Variants in MBD5 observed in about 807,000 individuals in gnomAD.
The protein encoded by MBD5 is methyl-CpG-binding domain protein 5.
A neutral mutation model predicts 117.3 loss-of-function variants in MBD5; 13 were observed. The ratio of observed to expected loss-of-function variants is 0.11; its 90% CI spans 0.07 to 0.18. MBD5 has a LOEUF of 0.18. MBD5 is among the 10% of genes least tolerant of loss of function. MBD5 has a pLI of 1.00. For missense variants in MBD5, 1,879 were observed against 2,093.8 expected, an observed-to-expected ratio of 0.90 and a Z score of 2.00; for synonymous variants, 727 against 766.4, an observed-to-expected ratio of 0.95 and a Z score of 0.85.
intron 1 of MBD5, among the ~76,000 whole-genome samples, chr2:148,086,998 T>C (rs1163234526): frequency 6.6e-6 from 1 of 151,992 alleles, no homozygotes. Context: ...GTGATTGCAG[T>C]TATTAAAAAA....
At chr2:148,431,952 A>G (rs1455486114) in intron 4 of MBD5, among the ~76,000 whole-genome samples, 1 of 152,180 alleles carries the variant, frequency 6.6e-6, no homozygotes, top group Non-Finnish European at 1.5e-5. Context: ...TCTTTGAGAA[A>G]TCACCAAACT....
intron 1 of MBD5, among the ~76,000 whole-genome samples, chr2:148,171,657 T>G (rs185229601): frequency 6.6e-6 from 1 of 152,072 alleles, no homozygotes; most frequent in Non-Finnish European, 1.5e-5. Context: ...AGCATCCAGA[T>G]AGGAAAAGAA....
In MBD5 at chr2:148,021,478, C is replaced by CTCT. The variant is rs1418536412; in HGVS notation, c.-1130_-1129insCTT. 23 of 576,732 alleles carry CTCT rather than the reference C, an allele frequency of 4.0e-5. No homozygotes were observed. The highest frequency in any genetic ancestry group is 3.4e-4 in the African/African-American group (18 of 52,792). 35.7% of individuals were successfully genotyped at this position (576,732 alleles called of 1,614,324 possible). A position where few individuals can be genotyped will look rare whatever the true frequency, so the allele number is the denominator to read the frequency against. On this transcript the variant is annotated 5_prime_UTR_variant, in exon 1 of 14. Transcript: ENST00000642680. Reference sequence around the variant, plus strand: ...GCTGCTGCTGTTGCTGCTGCTGCTGCTGTTGCTGCTGCTGCTGCTACTGCT... The same window carrying CTCT: ...GCTGCTGCTGTTGCTGCTGCTGCTGCTCTTGTTGCTGCTGCTGCTGCTACTGCT...
At chr2:148,049,256 G>A (rs886065148) in intron 1 of MBD5, among the ~76,000 whole-genome samples, 4 of 152,092 alleles carry the variant, frequency 2.6e-5, no homozygotes, top group African/African-American at 4.8e-5. Context: ...GAAATCTTGT[G>A]GCAAGTGGAT....
intron 2 of MBD5, among the ~76,000 whole-genome samples, chr2:148,195,037 C>G (rs1379130869): frequency 6.6e-6 from 1 of 152,148 alleles, no homozygotes; most frequent in African/African-American, 2.4e-5. Context: ...ACTCAACTCT[C>G]TTATCAGAGA....
At chr2:148,477,177 G>T (rs1680994737) in intron 8 of MBD5, among the ~76,000 whole-genome samples, 1 of 152,026 alleles carries the variant, frequency 6.6e-6, no homozygotes, top group African/African-American at 2.4e-5. Flanking sequence ...CCACGAGACT[G>T]AAAAGACTGA....
intron 2 of MBD5, among the ~76,000 whole-genome samples, chr2:148,227,057 G>A (rs928904199): frequency 1.6e-4 from 24 of 152,168 alleles, no homozygotes; most frequent in Non-Finnish European, 2.8e-4. Flanking sequence ...CTCCCATTCT[G>A]TAGGTTGCCT....
intron 1 of MBD5, among the ~76,000 whole-genome samples, chr2:148,099,214 T>A (rs1452934517): frequency 1.3e-5 from 2 of 152,170 alleles, no homozygotes; most frequent in African/African-American, 4.8e-5. Context: ...GTAATGAACT[T>A]ACTTATAATT....
Position 148,483,975 on chromosome 2 carries a change from A to G in MBD5, c.3384A>G (p.Ala1128=). 6.4e-7 allele frequency: 1 copy of G among 1,550,514 alleles called. No homozygotes were observed. Among genetic ancestry groups the G allele is most frequent in the Non-Finnish European group, 8.7e-7 (1 of 1,146,950 alleles). The change falls in exon 9 of 14, where the codon GCA becomes GCG. Residue 1128 remains alanine (A), a synonymous_variant. Transcript: ENST00000642680. ...CCACTACATCATCAGCAGTGGCAGC[A>G]CTGACTGTCTCAACACTTGGTGGGA... ...TTTTTSSAVA[A]LTVSTLGGTA...
chr2:148,399,613 A>G (rs546852192), intron 4 of MBD5, among the ~76,000 whole-genome samples: 2 of 152,260 alleles, frequency 1.3e-5, no homozygotes, highest in African/African-American at 4.8e-5. Flanking sequence ...GGACAATTTG[A>G]CTTCCTCTTT....
intron 4 of MBD5, among the ~76,000 whole-genome samples, chr2:148,439,945 G>A (rs1383226096): frequency 6.6e-6 from 1 of 151,974 alleles, no homozygotes; most frequent in Non-Finnish European, 1.5e-5. Flanking sequence ...CTGCTATGTT[G>A]CCAGGCTGGT....
intron 1 of MBD5, among the ~76,000 whole-genome samples, chr2:148,039,287 G>A (rs931937426): frequency 3.3e-5 from 5 of 151,946 alleles, no homozygotes; most frequent in Non-Finnish European, 5.9e-5. Flanking sequence ...TTTTTCTGGT[G>A]TATATTTGTT....
At chr2:148,076,179 TTTTG>T (rs1387771981) in intron 1 of MBD5, among the ~76,000 whole-genome samples, 1 of 98,060 alleles carries the variant, frequency 1.0e-5, no homozygotes, top group African/African-American at 4.4e-5. Flanking sequence ...AGTCGTCGTT[TTTTG>T]TTGTTGTTGT....
At position 148,308,064 on chromosome 2, in the gene MBD5, C is replaced by T. The variant is rs188939482; in HGVS notation, c.-679-34150C>T. 7.0e-4 allele frequency among the ~76,000 whole-genome samples: 107 copies of T among 152,186 alleles called. 1 individual carries two copies. Among genetic ancestry groups the T allele is most frequent in the African/African-American group, 2.4e-3 (99 of 41,506 alleles). ...CACTGATGGGCATTTGGGTTGGTTCCAAGTCTTTGCTATTGTGAACAGTGC... is the reference window on the plus strand; with the variant it reads ...CACTGATGGGCATTTGGGTTGGTTCTAAGTCTTTGCTATTGTGAACAGTGC... On this transcript the variant is annotated intron_variant, in intron 3 of 13. Transcript: ENST00000642680.
At chr2:148,061,834 G>A (rs1438000905) in intron 1 of MBD5, among the ~76,000 whole-genome samples, 8 of 151,594 alleles carry the variant, frequency 5.3e-5, no homozygotes, top group Non-Finnish European at 1.2e-4. Flanking sequence ...TATCTAGACT[G>A]TATCTTTAGA....
chr2:148,075,008 T>C (rs951753715), intron 1 of MBD5, among the ~76,000 whole-genome samples: 1 of 152,138 alleles, frequency 6.6e-6, no homozygotes, highest in African/African-American at 2.4e-5. Flanking sequence ...AAAGCATTTT[T>C]GAAGACATGA....
intron 3 of MBD5, among the ~76,000 whole-genome samples, chr2:148,258,560 C>G (rs923716187): frequency 6.6e-6 from 1 of 152,140 alleles, no homozygotes; most frequent in African/African-American, 2.4e-5. Flanking sequence ...CCTAATGAAA[C>G]AGAAACAGCT....
intron 4 of MBD5, among the ~76,000 whole-genome samples, chr2:148,429,984 T>TA (rs1553514632): frequency 6.6e-6 from 1 of 152,146 alleles, no homozygotes; most frequent in Non-Finnish European, 1.5e-5. Flanking sequence ...CCCCAGAACT[T>TA]AAAAAATACT....
At chr2:148,434,077 G>A (rs1399620465) in intron 4 of MBD5, among the ~76,000 whole-genome samples, 2 of 151,794 alleles carry the variant, frequency 1.3e-5, no homozygotes, top group Admixed American at 1.3e-4. Flanking sequence ...ACTCATTATT[G>A]GTCTGTTCAG....
Sources: gnomAD v4.1 joint callset for allele counts (sites outside exome capture counted in the v4.1 genomes callset) on GRCh38, gnomAD v4.1.1 for gene constraint, MANE v1.5 for transcripts, NCBI Gene and HGNC (gene_info 2026-07-23, HGNC 2026-07-21) for gene names.